ASAP2: variants seen among roughly 807,000 people sequenced by gnomAD.
The protein encoded by ASAP2 is ArfGAP with SH3 domain, ankyrin repeat and PH domain 2.
In ASAP2, 45 loss-of-function variants were observed where a neutral mutation model predicts 131.4. That is an observed-to-expected ratio of 0.34 (90% CI 0.27 to 0.44). The LOEUF is 0.44. Among genes scored for constraint, ASAP2 ranks in the 20% least tolerant of loss-of-function variants. The pLI, the probability that ASAP2 is intolerant of heterozygous loss-of-function variation, is 1.00. For missense variants in ASAP2, 1,011 were observed against 1,297.0 expected, an observed-to-expected ratio of 0.78 and a Z score of 3.39; for synonymous variants, 510 against 503.0, an observed-to-expected ratio of 1.01 and a Z score of -0.19.
intron 1 of ASAP2, among the ~76,000 whole-genome samples, chr2:9,279,079 T>A (rs1161179384): frequency 6.6e-6 from 1 of 152,176 alleles, no homozygotes; most frequent in East Asian, 1.9e-4. Context: ...GGAGTTGGTT[T>A]TCAGTAATTG....
intron 9 of ASAP2, among the ~76,000 whole-genome samples, chr2:9,337,163 C>A (rs896278256): frequency 9.2e-5 from 14 of 152,230 alleles, no homozygotes; most frequent in African/African-American, 3.4e-4. Flanking sequence ...AAATGAACCT[C>A]CTTTACTATT....
At chr2:9,228,814 G>A (rs1054845990) in intron 1 of ASAP2, among the ~76,000 whole-genome samples, 1 of 152,092 alleles carries the variant, frequency 6.6e-6, no homozygotes, top group African/African-American at 2.4e-5. Context: ...AATTATGAAC[G>A]GCACTCTTCC....
intron 9 of ASAP2, among the ~76,000 whole-genome samples, chr2:9,341,985 C>T (rs1671613663): frequency 6.6e-6 from 1 of 152,098 alleles, no homozygotes; most frequent in Non-Finnish European, 1.5e-5. Context: ...TGATTGCTCA[C>T]GTGGAGTTTT....
At chr2:9,265,402 A>T (rs1276465397) in intron 1 of ASAP2, among the ~76,000 whole-genome samples, 1 of 152,226 alleles carries the variant, frequency 6.6e-6, no homozygotes, top group Admixed American at 6.5e-5. Context: ...TTTATTGTTT[A>T]ATCTGTCCCT....
chr2:9,324,291 T>G (rs1412902590), intron 6 of ASAP2, among the ~76,000 whole-genome samples: 1 of 152,244 alleles, frequency 6.6e-6, no homozygotes, highest in Non-Finnish European at 1.5e-5. Context: ...GACTCTTAAG[T>G]GGTCAGCAGA....
chr2:9,394,419 C>T (rs1438919759), intron 24 of ASAP2, among the ~76,000 whole-genome samples: 1 of 152,164 alleles, frequency 6.6e-6, no homozygotes, highest in African/African-American at 2.4e-5. Flanking sequence ...CTGCCTCGGC[C>T]TCCCAAAGTG....
At chr2:9,313,678 T>A (rs1020415740) in intron 3 of ASAP2, among the ~76,000 whole-genome samples, 7 of 152,170 alleles carry the variant, frequency 4.6e-5, no homozygotes, top group African/African-American at 1.7e-4. Flanking sequence ...AGGACCAAAT[T>A]GACCTGCGCC....
intron 4 of ASAP2, among the ~76,000 whole-genome samples, chr2:9,319,097 G>A (rs1669983869): frequency 6.6e-6 from 1 of 152,206 alleles, no homozygotes; most frequent in Admixed American, 6.5e-5. Flanking sequence ...GCCAGGAGCT[G>A]TTTAAGGGGG....
chr2:9,331,188 G>T, intron 7 of ASAP2, among the ~76,000 whole-genome samples: 1 of 152,262 alleles, frequency 6.6e-6, no homozygotes, highest in East Asian at 1.9e-4. Context: ...CTCCGCCAGG[G>T]TGAAGAGGCC....
intron 3 of ASAP2, among the ~76,000 whole-genome samples, chr2:9,314,069 C>T (rs760233129): frequency 2.9e-4 from 44 of 152,236 alleles, no homozygotes; most frequent in African/African-American, 8.7e-4. Context: ...CTGCAACCTC[C>T]GCCTCCTGGA....
intron 19 of ASAP2, among the ~76,000 whole-genome samples, chr2:9,379,470 T>G (rs1348331863): frequency 6.6e-6 from 1 of 152,156 alleles, no homozygotes; most frequent in Admixed American, 6.5e-5. Context: ...TGCTGTTTAC[T>G]GCCCTCTCCT....
chr2:9,287,479 G>A (rs541697559), intron 2 of ASAP2, among the ~76,000 whole-genome samples: 11 of 152,198 alleles, frequency 7.2e-5, no homozygotes, highest in Non-Finnish European at 1.0e-4. Context: ...AAGGACGCGG[G>A]GCTCCTGGTT....
intron 16 of ASAP2, among the ~76,000 whole-genome samples, chr2:9,373,783 G>C (rs1303518971): frequency 1.3e-5 from 2 of 152,194 alleles, no homozygotes; most frequent in Non-Finnish European, 2.9e-5. Context: ...CCCCTGCCTG[G>C]CTCTTGCCTG....
chr2:9,245,897 T>C (rs777572411), intron 1 of ASAP2, among the ~76,000 whole-genome samples: 106 of 152,276 alleles, frequency 7.0e-4, no homozygotes, highest in Middle Eastern at 3.4e-3. Context: ...TAGTTTGTTA[T>C]TGTTGTTGTG....
intron 18 of ASAP2, among the ~76,000 whole-genome samples, chr2:9,377,343 C>T (rs1674487728): frequency 6.6e-6 from 1 of 152,234 alleles, no homozygotes; most frequent in African/African-American, 2.4e-5. Flanking sequence ...ACTGCGCAAG[C>T]AGTGTCCTGA....
intron 2 of ASAP2, 97 bp from the exon 3 acceptor site, chr2:9,297,203 G>T: frequency 7.0e-7 from 1 of 1,428,076 alleles, no homozygotes; most frequent in Non-Finnish European, 9.5e-7. Flanking sequence ...TTTTTCTTCT[G>T]CTGATGTGTT....
At chr2:9,239,251 A>G (rs1663771613) in intron 1 of ASAP2, among the ~76,000 whole-genome samples, 1 of 152,188 alleles carries the variant, frequency 6.6e-6, no homozygotes, top group Admixed American at 6.5e-5. Flanking sequence ...TGGAAGCCTT[A>G]TGTGTGGGGT....
At chr2:9,332,263 C>T (rs921151119) in intron 7 of ASAP2, among the ~76,000 whole-genome samples, 4 of 152,168 alleles carry the variant, frequency 2.6e-5, no homozygotes, top group African/African-American at 9.7e-5. Context: ...GTAGTTAGGA[C>T]TGTCATAGGG....
chr2:9,283,922 A>C (rs767170194), intron 2 of ASAP2, among the ~76,000 whole-genome samples: 13 of 152,200 alleles, frequency 8.5e-5, no homozygotes, highest in Non-Finnish European at 1.6e-4. Flanking sequence ...CGATGGCCCC[A>C]TCTCCAGACA....
Sources: gnomAD v4.1 joint callset for allele counts (sites outside exome capture counted in the v4.1 genomes callset) on GRCh38, gnomAD v4.1.1 for gene constraint, MANE v1.5 for transcripts, NCBI Gene and HGNC (gene_info 2026-07-23, HGNC 2026-07-21) for gene names.